The following NFIA variants were observed in gnomAD, a reference collection of about 807,000 sequenced individuals.
The protein encoded by NFIA is nuclear factor 1 A-type.
A neutral mutation model predicts 62.8 loss-of-function variants in NFIA; 8 were observed. The ratio of observed to expected loss-of-function variants is 0.13; its 90% CI spans 0.07 to 0.23. NFIA has a LOEUF of 0.23. NFIA is among the 10% of genes least tolerant of loss of function. The pLI is 1.00. For missense variants in NFIA, 410 were observed against 642.1 expected (o/e 0.64, Z 3.91); for synonymous variants, 235 against 238.1 (o/e 0.99, Z 0.12).
At chr1:61,217,001 AAATTAATT>A (rs144650207) in intron 2 of NFIA, among the ~76,000 whole-genome samples, 10,097 of 151,508 alleles carry the variant, frequency 0.067, 452 homozygotes, top group East Asian at 0.19. Context: ...CTTCATCTCT[AAATTAATT>A]AATTAATTAA....
At chr1:61,375,879 C>T (rs945220406) in intron 6 of NFIA, among the ~76,000 whole-genome samples, 4 of 152,158 alleles carry the variant, frequency 2.6e-5, no homozygotes, top group African/African-American at 7.2e-5. Context: ...ACACCATTTC[C>T]CCTGTTTCTT....
At chr1:61,163,107 GA>G (rs374734603) in intron 2 of NFIA, among the ~76,000 whole-genome samples, 40 of 151,902 alleles carry the variant, frequency 2.6e-4, no homozygotes, top group African/African-American at 9.6e-4. Context: ...AGTGCCTTTT[GA>G]AAAAAGAAAA....
chr1:61,424,097 G>T (rs1159427800), intron 9 of NFIA, among the ~76,000 whole-genome samples: 1 of 152,062 alleles, frequency 6.6e-6, no homozygotes, highest in East Asian at 1.9e-4. Context: ...GGTAGGCTTT[G>T]ATAGCATGAA....
chr1:61,185,176 GTTAA>G (rs1390216434), intron 2 of NFIA, among the ~76,000 whole-genome samples: 2 of 152,166 alleles, frequency 1.3e-5, no homozygotes, highest in Admixed American at 6.5e-5. Context: ...AAATCTTCCT[GTTAA>G]TTACTCTTGT....
intron 7 of NFIA, among the ~76,000 whole-genome samples, chr1:61,395,290 T>TTTTTG (rs1553181710): frequency 1.1e-5 from 1 of 91,162 alleles, no homozygotes; most frequent in African/African-American, 4.8e-5. Flanking sequence ...GTGTGTGTGT[T>TTTTTG]TTTTTTTTTT....
intron 7 of NFIA, among the ~76,000 whole-genome samples, chr1:61,392,806 G>A (rs1233495906): frequency 2.6e-5 from 4 of 152,232 alleles, no homozygotes; most frequent in Non-Finnish European, 5.9e-5. Flanking sequence ...CAGGGTGAGT[G>A]CTGAAGAGAA....
At chr1:61,446,084 TAAAG>T (rs1667796367) in intron 10 of NFIA, among the ~76,000 whole-genome samples, 1 of 152,098 alleles carries the variant, frequency 6.6e-6, no homozygotes, top group African/African-American at 2.4e-5. Flanking sequence ...TCCTAGAAGG[TAAAG>T]AAAGGCATAG....
At chr1:61,330,225 G>A (rs1661217559) in intron 3 of NFIA, among the ~76,000 whole-genome samples, 1 of 152,192 alleles carries the variant, frequency 6.6e-6, no homozygotes, top group Non-Finnish European at 1.5e-5. Context: ...CCAGGAGATA[G>A]ATCTCAGTAA....
upstream of NFIA, among the ~76,000 whole-genome samples, chr1:61,080,032 AG>A (rs1646076911): frequency 6.6e-6 from 1 of 151,622 alleles, no homozygotes; most frequent in Non-Finnish European, 1.5e-5. Flanking sequence ...TCCGCGGGGG[AG>A]GGAGCGGGAG....
intron 2 of NFIA, among the ~76,000 whole-genome samples, chr1:61,132,528 T>C (rs917717068): frequency 3.3e-5 from 5 of 152,164 alleles, no homozygotes; most frequent in African/African-American, 1.2e-4. Context: ...TTGGGAGCAG[T>C]TGAAATCCTT....
chr1:61,175,208 C>G (rs1033837306), intron 2 of NFIA, among the ~76,000 whole-genome samples: 8 of 151,992 alleles, frequency 5.3e-5, no homozygotes, highest in African/African-American at 1.7e-4. Context: ...GTGACATAAT[C>G]TTGGCTCACT....
intron 2 of NFIA, among the ~76,000 whole-genome samples, chr1:61,105,804 G>C (rs971866338): frequency 1.3e-5 from 2 of 151,752 alleles, no homozygotes; most frequent in African/African-American, 4.8e-5. Flanking sequence ...CACCTAGGAA[G>C]GCATTTTGAA....
intron 8 of NFIA, among the ~76,000 whole-genome samples, chr1:61,404,887 A>T: frequency 6.6e-6 from 1 of 152,206 alleles, no homozygotes; most frequent in East Asian, 1.9e-4. Flanking sequence ...TTTTTCCTCA[A>T]ATAAACCAAA....
At chr1:61,184,830 A>G (rs868742343) in intron 2 of NFIA, among the ~76,000 whole-genome samples, 24 of 152,246 alleles carry the variant, frequency 1.6e-4, no homozygotes, top group Non-Finnish European at 3.1e-4. Context: ...AGAGTAAGGT[A>G]TAATTTGCAC....
chr1:61,394,519 G>A (rs886892411), intron 7 of NFIA, among the ~76,000 whole-genome samples: 7 of 152,160 alleles, frequency 4.6e-5, no homozygotes, highest in African/African-American at 1.7e-4. Flanking sequence ...ATAAGAAACT[G>A]TAGGTTTGGA....
At chr1:61,387,511 C>A (rs1258512135) in intron 7 of NFIA, among the ~76,000 whole-genome samples, 1 of 132,180 alleles carries the variant, frequency 7.6e-6, no homozygotes. Flanking sequence ...TCTCGTCAAG[C>A]AGTACTTTCA....
intron 2 of NFIA, among the ~76,000 whole-genome samples, chr1:61,154,185 C>T (rs954334057): frequency 4.6e-5 from 7 of 151,962 alleles, no homozygotes; most frequent in African/African-American, 1.2e-4. Flanking sequence ...AGTCTCACAC[C>T]GTCTCCCAGG....
chr1:61,351,238 T>G (rs892365926), intron 4 of NFIA, among the ~76,000 whole-genome samples: 4 of 152,212 alleles, frequency 2.6e-5, no homozygotes, highest in Admixed American at 6.5e-5. Context: ...CGCAGACTTT[T>G]AAAAAATTAA....
At chr1:61,101,225 G>A (rs945715518) in intron 2 of NFIA, among the ~76,000 whole-genome samples, 6 of 151,758 alleles carry the variant, frequency 4.0e-5, no homozygotes, top group South Asian at 2.1e-4. Context: ...GAGAAACTCC[G>A]TCTCTACTGA....
Sources: gnomAD v4.1 joint callset for allele counts (sites outside exome capture counted in the v4.1 genomes callset) on GRCh38, gnomAD v4.1.1 for gene constraint, MANE v1.5 for transcripts, NCBI Gene and HGNC (gene_info 2026-07-23, HGNC 2026-07-21) for gene names.